The following UPB1 variants were observed in gnomAD, a reference collection of about 807,000 sequenced individuals.
UPB1 encodes beta-ureidopropionase.
UPB1 carries 40 observed loss-of-function variants against 49.1 expected under a neutral mutation model. The ratio of observed to expected loss-of-function variants is 0.81; its 90% CI spans 0.63 to 1.06. The LOEUF (loss-of-function observed/expected upper bound fraction) is 1.06, where lower values mean the gene tolerates loss of function less well. UPB1 is among the 50% of genes least tolerant of loss of function. The pLI, the probability that UPB1 is intolerant of heterozygous loss-of-function variation, is 0.00. For missense variants in UPB1, 499 were observed against 505.9 expected, an observed-to-expected ratio of 0.99 and a Z score of 0.13; for synonymous variants, 207 against 198.2, an observed-to-expected ratio of 1.04 and a Z score of -0.38.
rs117095609 is a variant in UPB1, at chr22:24,507,160, T to C, written c.365-3589T>C. Among the ~76,000 whole-genome samples the C allele has an allele frequency of 4.6e-5, 7 of 152,336 alleles. 1 individual carries two copies. The East Asian group carries it at 1.3e-3, about 29-fold the overall frequency. On this transcript the variant is annotated intron_variant, in intron 3 of 9. Coordinates refer to ENST00000326010, the MANE Select transcript of UPB1 (RefSeq NM_016327.3). ...TGTGTAAACAGGAAAAGAAGCTGCT[T>C]ATTCTCTGGGGGCACTTGACTCACT...
intron 3 of UPB1, among the ~76,000 whole-genome samples, chr22:24,507,349 C>A (rs530052427): frequency 6.6e-6 from 1 of 152,228 alleles, no homozygotes; most frequent in Non-Finnish European, 1.5e-5. Flanking sequence ...GCTGGCAGTG[C>A]CTGCCGCCTG....
intron 6 of UPB1, 97 bp from the exon 7 acceptor site, chr22:24,520,290 C>G: frequency 7.2e-7 from 1 of 1,392,010 alleles, no homozygotes; most frequent in Non-Finnish European, 1.0e-6. Flanking sequence ...CACCACTGGC[C>G]CAGGAAAGCC....
At chr22:24,497,128 T>C (rs935764494) in intron 1 of UPB1, among the ~76,000 whole-genome samples, 15 of 152,182 alleles carry the variant, frequency 9.9e-5, no homozygotes, top group African/African-American at 2.9e-4. Context: ...CTGTAGGTAC[T>C]AGTGGAGAAA....
intron 8 of UPB1, 63 bp from the exon 9 acceptor site, chr22:24,523,556 C>A: frequency 1.2e-6 from 2 of 1,609,648 alleles, no homozygotes; most frequent in Non-Finnish European, 1.7e-6. Flanking sequence ...GGTGCCTGAC[C>A]CTCTGTGGAG....
chr22:24,518,987 A>G (rs1276214471), intron 6 of UPB1, among the ~76,000 whole-genome samples: 3 of 152,206 alleles, frequency 2.0e-5, no homozygotes, highest in African/African-American at 7.2e-5. Context: ...TTTTGAGAGC[A>G]TAAATTTTAT....
At chr22:24,516,726 C>CT (rs869068860) in intron 6 of UPB1, 1,800 of 146,526 alleles carry the variant, frequency 0.012, 33 homozygotes, top group African/African-American at 0.04. Flanking sequence ...TGAATTTCTT[C>CT]TTTTTTTTTT....
intron 5 of UPB1, among the ~76,000 whole-genome samples, chr22:24,514,297 C>T (rs2044256266): frequency 6.6e-6 from 1 of 151,892 alleles, no homozygotes; most frequent in East Asian, 1.9e-4. Context: ...AAGAACCCAG[C>T]GTTTCTCAGT....
At position 24,528,096 on chromosome 22, in the gene UPB1, C is replaced by G. The variant is rs1406054475; in HGVS notation, c.*2302C>G. 1 of 152,220 alleles carries G rather than the reference C, an allele frequency of 6.6e-6. No homozygotes were observed. The highest frequency in any genetic ancestry group is 1.5e-5 in the Non-Finnish European group (1 of 68,068). The allele number at this position is 152,220 out of a possible 1,614,324, so 9.4% of individuals were successfully genotyped here. On this transcript the variant is annotated 3_prime_UTR_variant, in exon 10 of 10. Transcript: ENST00000326010. ...ATCACACCACTGCACTCCAGCTTGG[C>G]GACAGAGTGAGACTCCGTCTCAAAA... is the stretch of plus-strand genomic sequence containing the variant.
In UPB1 at chr22:24,500,266, T is replaced by G. The variant is rs754280602; in HGVS notation, c.264T>G (p.Pro88=). 4 of 1,614,036 alleles carry G rather than the reference T, an allele frequency of 2.5e-6. No homozygotes were observed. ...QNRIPLPANA[P]VAEQVSALHR... is the part of the protein sequence containing the mutation. ...GAATCCCCCTCCCCGCAAATGCCCC[T>G]GTGGCAGAACAGGTGCAGACTCTTT... The change falls in exon 2 of 10, where the codon CCT becomes CCG. Residue 88 remains proline (P), a synonymous_variant. Transcript: ENST00000326010.
rs112637354 is a variant in UPB1 at position 24,523,429 on chromosome 22, A to C, written c.917-190A>C. On this transcript the variant is annotated intron_variant, in intron 8 of 9. Transcript: ENST00000326010. ...CAAAGGGAAGCAGCATAAGGGGGCCATTTGCAGCAATTTGCTGGGCCTTCA... is the reference window on the plus strand; with the variant it reads ...CAAAGGGAAGCAGCATAAGGGGGCCCTTTGCAGCAATTTGCTGGGCCTTCA... Among the ~76,000 whole-genome samples the C allele has an allele frequency of 4.9e-4, 75 of 152,324 alleles. 1 individual carries two copies. Among genetic ancestry groups the C allele is most frequent in the African/African-American group, 1.7e-3 (71 of 41,586 alleles).
rs372935636 is a variant in UPB1, at chr22:24,496,361, G to T, written c.104+854G>T. Among the ~76,000 whole-genome samples the T allele has an allele frequency of 5.8e-4, 84 of 143,636 alleles. 1 individual carries two copies. The highest frequency in any genetic ancestry group is 2.2e-3 in the African/African-American group (80 of 36,148). 94.2% of individuals were successfully genotyped at this position (143,636 alleles called of 152,430 possible). A position where few individuals can be genotyped will look rare whatever the true frequency, so the allele number is the denominator to read the frequency against. On this transcript the variant is annotated intron_variant, in intron 1 of 9. Transcript: ENST00000326010. ...ACTCCAGCCTGGGAGTCAGAGTGAG[G>T]CCCTGTCTCAAACACACACACACAC...
chr22:24,498,416 TGTG>T (rs766881243), intron 1 of UPB1, among the ~76,000 whole-genome samples: 2 of 152,238 alleles, frequency 1.3e-5, no homozygotes, highest in Non-Finnish European at 2.9e-5. Context: ...CTGTGTAGGA[TGTG>T]GTAATGCACC....
At chr22:24,506,254 C>T (rs2044089232) in intron 3 of UPB1, among the ~76,000 whole-genome samples, 1 of 152,098 alleles carries the variant, frequency 6.6e-6, no homozygotes, top group African/African-American at 2.4e-5. Flanking sequence ...TTCCTGACCT[C>T]AGGTGATCCG....
intron 1 of UPB1, among the ~76,000 whole-genome samples, chr22:24,497,451 C>T (rs2043913476): frequency 6.6e-6 from 1 of 152,188 alleles, no homozygotes; most frequent in Non-Finnish European, 1.5e-5. Flanking sequence ...GATGAAGTTC[C>T]AGAAGTGAGA....
At chr22:24,497,744 A>G (rs1178182252) in intron 1 of UPB1, among the ~76,000 whole-genome samples, 3 of 152,126 alleles carry the variant, frequency 2.0e-5, no homozygotes, top group Admixed American at 2.0e-4. Flanking sequence ...GCAGTGGCTG[A>G]TTGATGTTTT....
intron 9 of UPB1, 140 bp from the exon 10 acceptor site, chr22:24,525,571 G>A (rs2044469111): frequency 1.1e-6 from 1 of 950,452 alleles, no homozygotes; most frequent in Admixed American, 1.7e-5. Flanking sequence ...TAGAATCAGT[G>A]CCAAGAGGTC....
intron 3 of UPB1, chr22:24,502,800 A>G (rs1292821870): frequency 8.8e-6 from 4 of 453,892 alleles, no homozygotes; most frequent in Non-Finnish European, 1.6e-5. Context: ...CCCCCTATGG[A>G]AGATGTCAGT....
intron 3 of UPB1, among the ~76,000 whole-genome samples, chr22:24,506,738 CCT>C (rs761029539): frequency 7.2e-4 from 110 of 152,352 alleles, no homozygotes; most frequent in African/African-American, 2.4e-3. Context: ...TCCACCCACC[CCT>C]GTTTCATCTT....
At position 24,500,139 on chromosome 22, in the gene UPB1, C is replaced by A; in HGVS notation, c.137C>A (p.Ala46Asp). 1.2e-6 allele frequency: 2 copies of A among 1,614,206 alleles called. No individual in the cohort carries two copies. Among genetic ancestry groups the A allele is most frequent in the Non-Finnish European group, 1.7e-6 (2 of 1,180,040 alleles). Residue 46 changes from alanine to aspartate, a missense_variant, in exon 2 of 10, where the codon GCT becomes GAT. Ala to Asp is a moderately radical substitution (Grantham distance 126, BLOSUM62 -2). Coordinates refer to ENST00000326010, the MANE Select transcript of UPB1 (RefSeq NM_016327.3). ...KLDLPREAFE[A>D]ASREDFELQG... ...GATCTGCCCAGGGAAGCTTTCGAAG[C>A]TGCCTCCAGAGAAGACTTTGAACTG...
Sources: allele counts gnomAD v4.1 joint callset (sites outside exome capture counted in the v4.1 genomes callset), GRCh38; gene constraint gnomAD v4.1.1; transcripts MANE v1.5; gene names NCBI Gene and HGNC (gene_info 2026-07-23, HGNC 2026-07-21).